The following LAMB3 variants were observed in gnomAD, a reference collection of about 807,000 sequenced individuals.
The protein encoded by LAMB3 is laminin subunit beta-3.
Under a neutral mutation model 140.3 loss-of-function variants are expected in LAMB3, and 104 were observed. That is an observed-to-expected ratio of 0.74 (90% CI 0.63 to 0.87). LAMB3 has a LOEUF of 0.87. Among genes scored for constraint, LAMB3 ranks in the 40% least tolerant of loss-of-function variants. The pLI, the probability that LAMB3 is intolerant of heterozygous loss-of-function variation, is 0.00. For synonymous variants in LAMB3, 592 were observed against 602.9 expected (o/e 0.98, Z 0.26); for missense variants, 1,531 against 1,575.2 (o/e 0.97, Z 0.47).
At chr1:209,616,014 C>T (rs1665946533) in intron 22 of LAMB3, among the ~76,000 whole-genome samples, 2 of 152,182 alleles carry the variant, frequency 1.3e-5, no homozygotes, top group South Asian at 4.2e-4. Flanking sequence ...AATGTCCCTC[C>T]TCTTCCTCAC....
rs140439614 is a variant in LAMB3, at chr1:209,623,749, G to T, written c.2138-24C>A. 2 of 1,613,702 alleles carry T rather than the reference G, an allele frequency of 1.2e-6. No homozygotes were observed. The highest frequency in any genetic ancestry group is 1.7e-6 in the Non-Finnish European group (2 of 1,179,816). On this transcript the variant is annotated intron_variant, in intron 15 of 22. Transcript: ENST00000356082. The surrounding 1 kb of genome is among the most constrained non-coding windows in gnomAD (Gnocchi z 4.2). ...TCCTGTGGCGAGAAGCATGAGGAAT[G>T]GAGATGGAGGAGGAGCAGGAGGGAG...
intron 14 of LAMB3, 61 bp downstream of exon 14, chr1:209,625,587 C>G (rs1666404298): frequency 6.3e-7 from 1 of 1,591,544 alleles, no homozygotes; most frequent in Non-Finnish European, 8.6e-7. Context: ...GACCAGCATG[C>G]CCGGTACTGG....
chr1:209,622,511 A>G (rs771313990), intron 18 of LAMB3, 25 bp downstream of exon 18: 1 of 1,613,162 alleles, frequency 6.2e-7, no homozygotes, highest in Non-Finnish European at 8.5e-7. Context: ...AACAGCAGCC[A>G]AGGTGGGGTG....
At position 209,622,735 on chromosome 1, in the gene LAMB3, C is replaced by T. The variant is rs149466570; in HGVS notation, c.2557-55G>A. On this transcript the variant is annotated intron_variant, in intron 17 of 22. Transcript: ENST00000356082. ...GTAAGGCCCCAAGGGAACCTCTCAG[C>T]AGCCCCACGATTCTGCGGATCATCC... The T allele has an allele frequency of 2.6e-4, 416 of 1,607,600 alleles. 1 individual carries two copies. In the African/African-American group the frequency reaches 5.0e-3, roughly 19 times the overall value.
chr1:209,636,532 C>T (rs973630679), intron 5 of LAMB3, among the ~76,000 whole-genome samples: 6 of 152,064 alleles, frequency 3.9e-5, no homozygotes, highest in African/African-American at 1.4e-4. Context: ...CAGTCTGCTC[C>T]CCTCCCCCTG....
rs977282977 is a variant in LAMB3, at chr1:209,650,015, T to G, written c.132A>C (p.Ser44=). The change falls in exon 3 of 23, where the codon TCA becomes TCC. Residue 44 remains serine (S), a synonymous_variant. Transcript: ENST00000356082. ...LVGRTRFLRA[S]STCGLTKPET... ...CAGGCTTGGTCAGTCCACAGGTAGA[T>G]GAAGCTCGGAGAAACCGGGTCCTCC... The G allele has an allele frequency of 1.2e-6, 2 of 1,614,140 alleles. No homozygotes were observed. Among genetic ancestry groups the G allele is most frequent in the Non-Finnish European group, 1.7e-6 (2 of 1,180,020 alleles).
At chr1:209,624,154 G>A (rs1021800427) in intron 14 of LAMB3, among the ~76,000 whole-genome samples, 154 bp from the exon 15 acceptor site, 6 of 152,160 alleles carry the variant, frequency 3.9e-5, no homozygotes, top group Admixed American at 6.5e-5. Flanking sequence ...AGGGGGTTCC[G>A]CTGGACAGAG....
At chr1:209,629,157 C>T (rs1391277030) in intron 10 of LAMB3, among the ~76,000 whole-genome samples, 1 of 152,180 alleles carries the variant, frequency 6.6e-6, no homozygotes, top group Admixed American at 6.5e-5. Flanking sequence ...TCCAGGCAGC[C>T]CTCTCCTATA....
At chr1:209,617,789 T>C in intron 20 of LAMB3, 118 bp downstream of exon 20, 1 of 1,406,612 alleles carries the variant, frequency 7.1e-7, no homozygotes, top group South Asian at 1.2e-5. Context: ...AGCTTGTCAC[T>C]CTCCTCTAGA....
chr1:209,623,855 T>C lies in LAMB3; in HGVS notation c.2122A>G (p.Ser708Gly). ...RKREQFEKIS[S>G]ADPSGAFRML... Reference sequence around the variant, plus strand: ...CTCTCCTCACCTGAAGGATCAGCACTGCTTATTTTTTCAAACTGCTCCCTC... The same window carrying C: ...CTCTCCTCACCTGAAGGATCAGCACCGCTTATTTTTTCAAACTGCTCCCTC... Residue 708 changes from serine to glycine, a missense_variant, in exon 15 of 23, where the codon AGT (serine) becomes GGT (glycine). By Grantham distance (56) the Ser-to-Gly change is moderately conservative. Transcript: ENST00000356082. The surrounding 1 kb of genome is among the most constrained non-coding windows in gnomAD (Gnocchi z 4.2). 6.2e-7 allele frequency: 1 copy of C among 1,614,196 alleles called. No individual in the cohort carries two copies. The highest frequency in any genetic ancestry group is 1.3e-5 in the African/African-American group (1 of 75,056).
intron 6 of LAMB3, among the ~76,000 whole-genome samples, chr1:209,633,713 A>C (rs4844864): frequency 0.85 from 129,203 of 152,200 alleles, 54,915 homozygotes; most frequent in Middle Eastern, 0.94. Flanking sequence ...AACTGCTAAA[A>C]CCAAAGGAAG....
Position 209,633,065 on chromosome 1 carries a change from C to A in LAMB3, c.628+5G>T. On this transcript the variant is annotated splice_donor_5th_base_variant and intron_variant, in intron 7 of 22. Coordinates refer to ENST00000356082, the MANE Select transcript of LAMB3 (RefSeq NM_000228.3). ...TCCATGGACAAGAGAAGTAACCACA[C>A]TGACCTTGAATTTTTTGACTTTGAG... The A allele has an allele frequency of 6.2e-7, 1 of 1,600,416 alleles. No individual in the cohort carries two copies. Among genetic ancestry groups the A allele is most frequent in the Admixed American group, 1.7e-5 (1 of 60,014 alleles).
At chr1:209,642,869 AG>A (rs1353365437) in intron 3 of LAMB3, among the ~76,000 whole-genome samples, 4 of 152,242 alleles carry the variant, frequency 2.6e-5, no homozygotes, top group Admixed American at 2.6e-4. Context: ...AAAAATGGCC[AG>A]GGTTTATTGC....
chr1:209,651,832 ACT>A (rs1003369045), intron 1 of LAMB3, among the ~76,000 whole-genome samples: 15 of 112,426 alleles, frequency 1.3e-4, no homozygotes, highest in African/African-American at 5.3e-4. Flanking sequence ...ACAGCCACAA[ACT>A]CTTTTGGCTG....
chr1:209,620,073 T>C (rs916412053), intron 18 of LAMB3, among the ~76,000 whole-genome samples: 1 of 152,172 alleles, frequency 6.6e-6, no homozygotes, highest in Non-Finnish European at 1.5e-5. Flanking sequence ...CATCCCCACC[T>C]AGATCTTGCC....
At chr1:209,648,881 T>A (rs916812008) in intron 3 of LAMB3, among the ~76,000 whole-genome samples, 3 of 152,194 alleles carry the variant, frequency 2.0e-5, no homozygotes, top group Non-Finnish European at 2.9e-5. Flanking sequence ...TTTATTTTTT[T>A]AAAAATTCAA....
At chr1:209,615,438 G>A (rs1665922824) in intron 22 of LAMB3, 31 bp from the exon 23 acceptor site, 3 of 1,568,244 alleles carry the variant, frequency 1.9e-6, no homozygotes, top group South Asian at 1.2e-5. Flanking sequence ...GCAGGAGGAG[G>A]AGTTGATGGT....
chr1:209,627,973 C>T (rs1415050154), intron 11 of LAMB3, 62 bp downstream of exon 11: 12 of 1,536,794 alleles, frequency 7.8e-6, no homozygotes, highest in Admixed American at 3.9e-5. Flanking sequence ...CAGGGCAAGC[C>T]GTGGGTCTGG....
At position 209,623,527 on chromosome 1, in the gene LAMB3, T is replaced by A; in HGVS notation, c.2336A>T (p.Asp779Val). ...CACCTTGTTGAAGGTGGGTGTCAGG[T>A]CAGGCAACGAAGACATCTCCAGCCT... ...ALRLEMSSLP[D>V]LTPTFNKLCG... is the part of the protein sequence containing the mutation. Residue 779 changes from aspartate to valine, a missense_variant, in exon 16 of 23, where the codon GAC becomes GTC. Asp to Val is a radical substitution (Grantham distance 152). Transcript: ENST00000356082. This position sits in a 1 kb window ranked among gnomAD's most constrained non-coding sequence, Gnocchi z 4.2. 6.2e-7 allele frequency: 1 copy of A among 1,614,116 alleles called. No homozygotes were observed. The highest frequency in any genetic ancestry group is 8.5e-7 in the Non-Finnish European group (1 of 1,180,010).
Sources: allele counts gnomAD v4.1 joint callset (sites outside exome capture counted in the v4.1 genomes callset), GRCh38; gene constraint gnomAD v4.1.1; non-coding constraint Gnocchi (gnomAD v3.1); transcripts MANE v1.5; gene names NCBI Gene and HGNC (gene_info 2026-07-23, HGNC 2026-07-21).